The following SCARA5 variants were observed in gnomAD, a reference collection of about 807,000 sequenced individuals.
SCARA5 encodes the protein scavenger receptor class A, member 5 (putative).
In SCARA5, 45 loss-of-function variants were observed where a neutral mutation model predicts 46.3. The observed-to-expected ratio is 0.97, with a 90% CI of 0.76 to 1.24. The LOEUF (loss-of-function observed/expected upper bound fraction) is 1.24. Ranked by LOEUF, SCARA5 falls within the 50% of genes most tolerant of loss-of-function variation. The pLI is 0.00. For synonymous variants in SCARA5, 333 were observed against 306.5 expected, an observed-to-expected ratio of 1.09 and a Z score of -0.90; for missense variants, 680 against 689.0, an observed-to-expected ratio of 0.99 and a Z score of 0.15.
chr8:27,874,895 C>G (rs1806697944), intron 8 of SCARA5, among the ~76,000 whole-genome samples: 1 of 152,208 alleles, frequency 6.6e-6, no homozygotes, highest in Non-Finnish European at 1.5e-5. Context: ...CACCCTTCCA[C>G]CTCGCCATTT....
At chr8:27,949,307 A>T (rs1440327772) in intron 3 of SCARA5, among the ~76,000 whole-genome samples, 1 of 152,188 alleles carries the variant, frequency 6.6e-6, no homozygotes, top group Non-Finnish European at 1.5e-5. Flanking sequence ...CCCAGCTTTG[A>T]CCTTAACCAC....
At chr8:27,967,833 A>G (rs1163373312) in intron 2 of SCARA5, among the ~76,000 whole-genome samples, 6 of 152,148 alleles carry the variant, frequency 3.9e-5, no homozygotes, top group Admixed American at 3.9e-4. Flanking sequence ...CAATCACTTG[A>G]ACCCAGGAAG....
chr8:27,967,362 T>C (rs576168776), intron 2 of SCARA5, among the ~76,000 whole-genome samples: 1 of 152,242 alleles, frequency 6.6e-6, no homozygotes, highest in Non-Finnish European at 1.5e-5. Flanking sequence ...AGGACCCAGG[T>C]TGATCTTTTA....
At chr8:27,988,529 G>A (rs1585531257) in intron 1 of SCARA5, among the ~76,000 whole-genome samples, 1 of 152,256 alleles carries the variant, frequency 6.6e-6, no homozygotes. Context: ...GGTGAGAAAT[G>A]TATTACAGGA....
intron 4 of SCARA5, among the ~76,000 whole-genome samples, chr8:27,916,481 G>A (rs1390265173): frequency 6.6e-6 from 1 of 152,158 alleles, no homozygotes; most frequent in Non-Finnish European, 1.5e-5. Flanking sequence ...GTGTGTGTGT[G>A]TATATTTGTG....
In SCARA5 at chr8:27,922,039, C is replaced by T. The variant is rs1456191330; in HGVS notation, c.448G>A (p.Glu150Lys). 6.3e-7 allele frequency: 1 copy of T among 1,575,682 alleles called. No individual in the cohort carries two copies. The highest frequency in any genetic ancestry group is 1.8e-5 in the Admixed American group (1 of 55,600). Residue 150 changes from glutamate to lysine, a missense_variant, in exon 4 of 9, where the codon GAG (glutamate) becomes AAG (lysine). Coordinates refer to ENST00000354914, the MANE Select transcript of SCARA5 (RefSeq NM_173833.6). ...GCCTGCAGCCCCCACAGCGCGCCCT[C>T]CAGCCGCTGCACTGCGCCCGCCAGC... ...LALAGAVQRL[E>K]GALWGLQAQA...
intron 5 of SCARA5, among the ~76,000 whole-genome samples, chr8:27,907,936 A>G (rs989026393): frequency 2.0e-5 from 3 of 152,110 alleles, no homozygotes; most frequent in African/African-American, 7.2e-5. Context: ...GCTTTTCATA[A>G]AGTATCTCAT....
chr8:27,904,483 C>T, intron 7 of SCARA5: 2 of 528,360 alleles, frequency 3.8e-6, no homozygotes, highest in Non-Finnish European at 6.7e-6. Context: ...TAGATGAGAA[C>T]ACTGAGGCAC....
chr8:27,976,905 G>T (rs1808533426), intron 2 of SCARA5, among the ~76,000 whole-genome samples: 1 of 152,200 alleles, frequency 6.6e-6, no homozygotes. Context: ...TTTCTGCCCT[G>T]AGGCCACCCA....
chr8:27,940,641 CCCACCCATCCATTTGT>C (rs1396612099), intron 3 of SCARA5, among the ~76,000 whole-genome samples: 1 of 125,562 alleles, frequency 8.0e-6, no homozygotes, highest in Non-Finnish European at 1.7e-5. Flanking sequence ...CACCCACCCA[CCCACCCATCCATTTGT>C]CCATCCATCC....
At chr8:27,884,155 T>A (rs1806855216) in intron 7 of SCARA5, among the ~76,000 whole-genome samples, 1 of 152,078 alleles carries the variant, frequency 6.6e-6, no homozygotes, top group African/African-American at 2.4e-5. Context: ...ATGCCTCCTC[T>A]CGATATTGGA....
intron 2 of SCARA5, among the ~76,000 whole-genome samples, chr8:27,975,799 A>AGGGCACCC (rs1225672975): frequency 1.3e-5 from 2 of 152,094 alleles, no homozygotes; most frequent in Non-Finnish European, 2.9e-5. Flanking sequence ...CGGCTCAGCG[A>AGGGCACCC]GGGCACCCGG....
intron 3 of SCARA5, among the ~76,000 whole-genome samples, chr8:27,923,763 T>C (rs1039838895): frequency 2.6e-5 from 4 of 152,056 alleles, no homozygotes; most frequent in Admixed American, 2.6e-4. Context: ...TTAATAGAGA[T>C]GGGGTTTCAC....
intron 3 of SCARA5, among the ~76,000 whole-genome samples, chr8:27,924,781 C>A (rs955432069): frequency 5.9e-5 from 9 of 152,204 alleles, no homozygotes; most frequent in African/African-American, 1.7e-4. Context: ...TAAGCAACTT[C>A]AGCAAACTCT....
intron 3 of SCARA5, among the ~76,000 whole-genome samples, chr8:27,952,524 G>T (rs1808144404): frequency 6.6e-6 from 1 of 152,010 alleles, no homozygotes; most frequent in Non-Finnish European, 1.5e-5. Flanking sequence ...ACCCTGCAGA[G>T]CTACTTCCCT....
Position 27,945,630 on chromosome 8 carries a change from T to C in SCARA5, c.241+20784A>G, listed in dbSNP as rs77739359. ...AAATCAACAACAAGTAAATAAGATG[T>C]GAGTGTCAATCATAGCCTTCTGGAA... On this transcript the variant is annotated intron_variant, in intron 3 of 8. Transcript: ENST00000354914. Among the ~76,000 whole-genome samples the C allele has an allele frequency of 7.7e-3, 1,178 of 152,316 alleles. 11 individuals carry two copies. The highest frequency in any genetic ancestry group is 0.026 in the African/African-American group (1,092 of 41,558).
At chr8:27,916,461 A>G (rs1204616120) in intron 4 of SCARA5, among the ~76,000 whole-genome samples, 6 of 152,102 alleles carry the variant, frequency 3.9e-5, no homozygotes, top group Admixed American at 3.9e-4. Flanking sequence ...ATGTGCAGGT[A>G]TGCGTATATG....
intron 7 of SCARA5, among the ~76,000 whole-genome samples, chr8:27,892,359 C>A (rs2129709167): frequency 6.6e-6 from 1 of 152,310 alleles, no homozygotes; most frequent in Non-Finnish European, 1.5e-5. Flanking sequence ...CCGGATGAGT[C>A]TCTGGTTCTT....
chr8:27,979,659 T>C (rs769131562), intron 2 of SCARA5, among the ~76,000 whole-genome samples: 16 of 151,612 alleles, frequency 1.1e-4, no homozygotes, highest in Non-Finnish European at 1.6e-4. Context: ...GTTCAAGCAA[T>C]TCTCCTGCCT....
Sources: allele counts gnomAD v4.1 joint callset (sites outside exome capture counted in the v4.1 genomes callset), GRCh38; gene constraint gnomAD v4.1.1; transcripts MANE v1.5; gene names NCBI Gene and HGNC (gene_info 2026-07-23, HGNC 2026-07-21).